Variants in ST3GAL6 observed in about 807,000 individuals in gnomAD.
ST3GAL6 encodes type 2 lactosamine alpha-2,3-sialyltransferase.
A neutral mutation model predicts 40.5 loss-of-function variants in ST3GAL6; 31 were observed. That is an observed-to-expected ratio of 0.77 (90% CI 0.58 to 1.03). The LOEUF is 1.03. Among genes scored for constraint, ST3GAL6 ranks in the 50% least tolerant of loss-of-function variants. The probability of loss-of-function intolerance (pLI) is 0.00; values close to 1 mark genes in which losing one functional copy is unlikely to be tolerated. For synonymous variants in ST3GAL6, 129 were observed against 136.9 expected (o/e 0.94, Z 0.40); for missense variants, 357 against 393.2 (o/e 0.91, Z 0.78).
chr3:98,785,724 G>T (rs566109395), intron 6 of ST3GAL6, among the ~76,000 whole-genome samples: 1 of 152,316 alleles, frequency 6.6e-6, no homozygotes, highest in Admixed American at 6.5e-5. Flanking sequence ...TTAAGCAAGA[G>T]AACAAAGCAG....
chr3:98,790,168 A>T (rs1210348133), intron 8 of ST3GAL6, among the ~76,000 whole-genome samples: 1 of 150,956 alleles, frequency 6.6e-6, no homozygotes, highest in Non-Finnish European at 1.5e-5. Flanking sequence ...ATGATATAGG[A>T]TCGAAGAAGC....
intron 1 of ST3GAL6, among the ~76,000 whole-genome samples, chr3:98,751,845 C>T (rs1937030656): frequency 6.6e-6 from 1 of 152,158 alleles, no homozygotes; most frequent in Non-Finnish European, 1.5e-5. Context: ...AAATAATCTT[C>T]ATGTAGTCAA....
At chr3:98,754,179 A>C (rs1325048349) in intron 1 of ST3GAL6, among the ~76,000 whole-genome samples, 1 of 152,218 alleles carries the variant, frequency 6.6e-6, no homozygotes, top group African/African-American at 2.4e-5. Context: ...AGCCTTCTGG[A>C]AAGAATTCAC....
chr3:98,763,431 G>A lies in ST3GAL6; in HGVS notation c.-20G>A. The A allele has an allele frequency of 1.6e-6, 2 of 1,289,740 alleles. No individual in the cohort carries two copies. Among genetic ancestry groups the A allele is most frequent in the East Asian group, 5.6e-5 (1 of 18,012 alleles). 79.9% of individuals were successfully genotyped at this position (1,289,740 alleles called of 1,614,324 possible). ...GGTGTCAGCAGGGCCACCTGGTAAA[G>A]GTATGGAGGTGAGCCATGAACAAGG... On this transcript the variant is annotated 5_prime_UTR_variant, in exon 1 of 10. Coordinates refer to ENST00000483910, the MANE Select transcript of ST3GAL6 (RefSeq NM_001323368.2).
intron 5 of ST3GAL6, among the ~76,000 whole-genome samples, chr3:98,776,242 T>C (rs945904354): frequency 6.6e-6 from 1 of 152,224 alleles, no homozygotes; most frequent in Non-Finnish European, 1.5e-5. Flanking sequence ...CCAACCAGGC[T>C]GTGCCTGAGC....
At chr3:98,732,861 C>T in intron 1 of ST3GAL6, 6 of 1,512,118 alleles carry the variant, frequency 4.0e-6, no homozygotes, top group Non-Finnish European at 4.4e-6. Flanking sequence ...CTTCTGCGGC[C>T]CGATGTGGCA....
At chr3:98,749,679 G>GA (rs1473064475) in intron 1 of ST3GAL6, among the ~76,000 whole-genome samples, 1 of 152,190 alleles carries the variant, frequency 6.6e-6, no homozygotes, top group Non-Finnish European at 1.5e-5. Flanking sequence ...AAACTCTTTG[G>GA]AAGGGGGACT....
chr3:98,745,170 A>G (rs1936446965), intron 1 of ST3GAL6, among the ~76,000 whole-genome samples: 1 of 152,018 alleles, frequency 6.6e-6, no homozygotes. Context: ...AGTAGCTGGG[A>G]TTACAGGCAC....
At chr3:98,766,405 CTTTTTTTTTTTTTTTTTT>C (rs369996406) in intron 1 of ST3GAL6, among the ~76,000 whole-genome samples, 120 of 104,088 alleles carry the variant, frequency 1.2e-3, no homozygotes, top group Middle Eastern at 5.5e-3. Flanking sequence ...AAATGTCATT[CTTTTTTTTTTTTTTTTTT>C]TTTTTTTTTT....
intron 5 of ST3GAL6, chr3:98,783,850 T>A: frequency 4.1e-6 from 1 of 244,322 alleles, no homozygotes; most frequent in Non-Finnish European, 6.6e-6. Flanking sequence ...TTTTAAATTT[T>A]AAACCTTACA....
At chr3:98,793,257 A>G (rs1374106771) in intron 9 of ST3GAL6, among the ~76,000 whole-genome samples, 1 of 152,246 alleles carries the variant, frequency 6.6e-6, no homozygotes, top group Non-Finnish European at 1.5e-5. Flanking sequence ...ATTCATGTAT[A>G]GAACAGTAAT....
intron 8 of ST3GAL6, 138 bp from the exon 9 acceptor site, chr3:98,791,703 T>TTA: frequency 4.0e-6 from 3 of 756,212 alleles, no homozygotes; most frequent in Non-Finnish European, 6.5e-6. Context: ...GGCTTGAGCC[T>TTA]TATAATGAGA....
upstream of ST3GAL6, among the ~76,000 whole-genome samples, chr3:98,761,818 GA>G (rs1937803917): frequency 6.6e-6 from 1 of 152,150 alleles, no homozygotes; most frequent in Non-Finnish European, 1.5e-5. Context: ...ACTTGCAATG[GA>G]CCTGAGTCTG....
At chr3:98,766,402 A>ATTCTT (rs1938331253) in intron 1 of ST3GAL6, among the ~76,000 whole-genome samples, 1 of 98,600 alleles carries the variant, frequency 1.0e-5, no homozygotes, top group African/African-American at 4.7e-5. Flanking sequence ...CATAAATGTC[A>ATTCTT]TTCTTTTTTT....
At position 98,788,094 on chromosome 3, in the gene ST3GAL6, C is replaced by T. The variant is rs188597016; in HGVS notation, c.490C>T (p.Arg164Ter). 1.3e-4 allele frequency: 209 copies of T among 1,613,884 alleles called. No homozygotes were observed. Among genetic ancestry groups the T allele is most frequent in the African/African-American group, 1.1e-4 (8 of 75,020 alleles). Residue 164 changes from arginine (R) to a stop codon, truncating the protein, a stop_gained, in exon 7 of 10, where the codon CGA (arginine) becomes TGA (stop). Transcript: ENST00000483910. LOFTEE classifies it high-confidence loss of function. The part of the protein sequence containing the change: ...EEEVGRRTTF[R>*]LFYPESVFSD... ...AGAAGTTGGGAGAAGGACAACCTTC[C>T]GACTTTTTTATCCAGAATCTGTTTT...
At chr3:98,761,361 A>C (rs1164241392), upstream of ST3GAL6, among the ~76,000 whole-genome samples, 1 of 152,148 alleles carries the variant, frequency 6.6e-6, no homozygotes, top group African/African-American at 2.4e-5. Flanking sequence ...TAATCCCAGC[A>C]CTTTGGGAGG....
intron 1 of ST3GAL6, among the ~76,000 whole-genome samples, chr3:98,747,350 A>G (rs895164095): frequency 1.9e-4 from 29 of 152,216 alleles, no homozygotes; most frequent in Non-Finnish European, 4.1e-4. Context: ...TCAGAGATTC[A>G]TAGTGTTTTA....
At chr3:98,791,677 T>TATGC (rs1476722371) in intron 8 of ST3GAL6, among the ~76,000 whole-genome samples, 164 bp from the exon 9 acceptor site, 1 of 152,244 alleles carries the variant, frequency 6.6e-6, no homozygotes, top group Non-Finnish European at 1.5e-5. Context: ...TTAAGGTATA[T>TATGC]ATGCATACTC....
chr3:98,758,833 C>A (rs1401007902), upstream of ST3GAL6, among the ~76,000 whole-genome samples: 2 of 152,190 alleles, frequency 1.3e-5, no homozygotes, highest in East Asian at 1.9e-4. Context: ...TTAGGAGAGT[C>A]TTTACCATGT....
Sources: allele counts gnomAD v4.1 joint callset (sites outside exome capture counted in the v4.1 genomes callset), GRCh38; gene constraint gnomAD v4.1.1; transcripts MANE v1.5; gene names NCBI Gene and HGNC (gene_info 2026-07-23, HGNC 2026-07-21).